MTARC2: variants seen among roughly 807,000 people sequenced by gnomAD.
The protein encoded by MTARC2 is mitochondrial amidoxime reducing component 2.
A neutral mutation model predicts 35.6 loss-of-function variants in MTARC2; 27 were observed. The ratio of observed to expected loss-of-function variants is 0.76; its 90% CI spans 0.56 to 1.04. The LOEUF (loss-of-function observed/expected upper bound fraction) is 1.04, where lower values mean the gene tolerates loss of function less well. Ranked by LOEUF, MTARC2 falls within the 50% of genes least tolerant of loss-of-function variation. The pLI is 0.00. For missense variants in MTARC2, 412 were observed against 432.5 expected (o/e 0.95, Z 0.42); for synonymous variants, 158 against 167.1 (o/e 0.95, Z 0.42).
intron 4 of MTARC2, chr1:220,770,591 C>T: frequency 1.0e-6 from 1 of 982,694 alleles, no homozygotes; most frequent in South Asian, 4.7e-5. Context: ...CCATGACCCC[C>T]CATACCTTTC....
intron 6 of MTARC2, among the ~76,000 whole-genome samples, chr1:220,781,043 TGA>T (rs146981282): frequency 0.02 from 3,001 of 151,748 alleles, 169 homozygotes; most frequent in African/African-American, 0.069. Flanking sequence ...GAAGTTTGGC[TGA>T]CTTTAGTTCC....
In MTARC2 at chr1:220,776,825, T is replaced by C. The variant is rs150720999; in HGVS notation, c.751-3193T>C. Among the ~76,000 whole-genome samples, 10 of 152,318 alleles carry C rather than the reference T, an allele frequency of 6.6e-5. No individual in the cohort carries two copies. In the East Asian group the frequency reaches 1.9e-3, roughly 29 times the overall value. On this transcript the variant is annotated intron_variant, in intron 4 of 7. Transcript: ENST00000366913. ...CACAAAAAATTGAACGGAAGATACT[T>C]GGAGAGCCAGGGTCCATTCAGCACA...
chr1:220,776,822 A>G (rs1470760047), intron 4 of MTARC2, among the ~76,000 whole-genome samples: 1 of 152,208 alleles, frequency 6.6e-6, no homozygotes, highest in African/African-American at 2.4e-5. Flanking sequence ...AACGGAAGAT[A>G]CTTGGAGAGC....
At chr1:220,769,740 T>TTC (rs112145810) in intron 4 of MTARC2, among the ~76,000 whole-genome samples, 1 of 149,814 alleles carries the variant, frequency 6.7e-6, no homozygotes, top group Non-Finnish European at 1.5e-5. Context: ...GGGCACTTTC[T>TTC]TCTCTCTCTC....
At position 220,761,747 on chromosome 1, in the gene MTARC2, T is replaced by C. The variant is rs1346511569; in HGVS notation, c.536T>C (p.Leu179Ser). The C allele has an allele frequency of 1.2e-6, 2 of 1,613,992 alleles. No individual in the cohort carries two copies. Among genetic ancestry groups the C allele is most frequent in the Non-Finnish European group, 1.7e-6 (2 of 1,179,972 alleles). The part of the protein sequence containing the change: ...TNFLKTEAYR[L>S]VQFETNMKGR... ...TTCTTGAAAACTGAAGCGTATAGAT[T>C]GGTTCAATTTGAGACAAACATGAAG... is the stretch of plus-strand genomic sequence containing the variant. The change falls in exon 3 of 8, where the codon TTG (leucine) becomes TCG (serine). Residue 179 changes from leucine (L) to serine (S), a missense_variant. By Grantham distance (145) the Leu-to-Ser change is moderately radical. Transcript: ENST00000366913.
chr1:220,751,787 G>C (rs983464806), intron 1 of MTARC2, among the ~76,000 whole-genome samples: 1 of 152,146 alleles, frequency 6.6e-6, no homozygotes, highest in African/African-American at 2.4e-5. Context: ...TGAATTCAAG[G>C]TGCTGGCTTT....
chr1:220,777,061 T>A (rs1671938410), intron 4 of MTARC2, among the ~76,000 whole-genome samples: 1 of 152,196 alleles, frequency 6.6e-6, no homozygotes, highest in Non-Finnish European at 1.5e-5. Flanking sequence ...CGCAATAAGT[T>A]ACTGGCTAGG....
intron 1 of MTARC2, among the ~76,000 whole-genome samples, chr1:220,753,237 GAAA>G (rs532520758): frequency 6.9e-6 from 1 of 145,134 alleles, no homozygotes; most frequent in Non-Finnish European, 1.5e-5. Context: ...CAGAAAAAAA[GAAA>G]AAAAAAAGAA....
intron 2 of MTARC2, among the ~76,000 whole-genome samples, chr1:220,759,693 G>A (rs1026964565): frequency 6.6e-6 from 1 of 152,190 alleles, no homozygotes; most frequent in Non-Finnish European, 1.5e-5. Context: ...TGAACAGTGG[G>A]ATGGAATCAG....
Position 220,749,768 on chromosome 1 carries a change from G to C in MTARC2, c.272+965G>C, listed in dbSNP as rs561609937. On this transcript the variant is annotated intron_variant, in intron 1 of 7. Coordinates refer to ENST00000366913, the MANE Select transcript of MTARC2 (RefSeq NM_017898.5). Reference sequence around the variant, plus strand: ...TATCTGGCCGAGATGGTTTAGCTGTGGGCCTGTGTCCGAGGGGAGGGAGGT... The same window carrying C: ...TATCTGGCCGAGATGGTTTAGCTGTCGGCCTGTGTCCGAGGGGAGGGAGGT... 2.2e-4 allele frequency among the ~76,000 whole-genome samples: 33 copies of C among 152,202 alleles called. No homozygotes were observed. The South Asian group carries it at 6.6e-3, about 31-fold the overall frequency.
rs1476268603 is a variant in MTARC2 at position 220,780,208 on chromosome 1, G to A, written c.853G>A (p.Asp285Asn). ...TTVDPDTGVIDRKQPLDTLKS... is the reference protein window; with the variant it reads ...TTVDPDTGVINRKQPLDTLKS... ...GGTGGACCCAGACACTGGAGTCATAGACAGGAAACAGCCACTGGACACCCT... is the reference window on the plus strand; with the variant it reads ...GGTGGACCCAGACACTGGAGTCATAAACAGGAAACAGCCACTGGACACCCT... The change falls in exon 6 of 8, where the codon GAC becomes AAC. Residue 285 changes from aspartate to asparagine, a missense_variant. Coordinates refer to ENST00000366913, the MANE Select transcript of MTARC2 (RefSeq NM_017898.5). The A allele has an allele frequency of 6.2e-7, 1 of 1,612,712 alleles. No homozygotes were observed. The highest frequency in any genetic ancestry group is 1.1e-5 in the South Asian group (1 of 90,924).
At chr1:220,750,724 G>C (rs2102539821) in intron 1 of MTARC2, among the ~76,000 whole-genome samples, 1 of 152,272 alleles carries the variant, frequency 6.6e-6, no homozygotes. Flanking sequence ...AATCTTGTGG[G>C]CTAGATAGTA....
At chr1:220,761,882 C>A in intron 3 of MTARC2, 62 bp downstream of exon 3, 3 of 1,490,396 alleles carry the variant, frequency 2.0e-6, no homozygotes, top group Non-Finnish European at 2.7e-6. Context: ...TGGCTTCCTT[C>A]CCAGTTGATA....
intron 4 of MTARC2, among the ~76,000 whole-genome samples, chr1:220,768,311 C>T (rs1671640871): frequency 6.6e-6 from 1 of 152,194 alleles, no homozygotes; most frequent in Non-Finnish European, 1.5e-5. Context: ...TTGCAAAACT[C>T]TCTTATGTGT....
At chr1:220,775,691 C>T (rs79813383) in intron 4 of MTARC2, among the ~76,000 whole-genome samples, 1,793 of 152,298 alleles carry the variant, frequency 0.012, 41 homozygotes, top group African/African-American at 0.041. Context: ...TCTCCACCCT[C>T]AAGTAGGCTC....
In MTARC2 at chr1:220,779,493, G is replaced by T. The variant is rs12026612; in HGVS notation, c.751-525G>T. 5.5e-3 allele frequency among the ~76,000 whole-genome samples: 836 copies of T among 152,276 alleles called. 5 individuals are homozygous for T. The East Asian group carries it at 0.056, about 10-fold the overall frequency. ...TGAGGCAAGTGTTAGTGGTTCCCAC[G>T]TTCAAGGGTGGGAAGGCAAGGCACA... is the stretch of plus-strand genomic sequence containing the variant. On this transcript the variant is annotated intron_variant, in intron 4 of 7. Transcript: ENST00000366913.
In MTARC2 at chr1:220,751,441, C is replaced by G. The variant is rs185902895; in HGVS notation, c.272+2638C>G. Among the ~76,000 whole-genome samples, 6 of 152,220 alleles carry G rather than the reference C, an allele frequency of 3.9e-5. No homozygotes were observed. In the East Asian group the frequency reaches 9.7e-4, roughly 24 times the overall value. The stretch of plus-strand genomic sequence containing the variant: ...GTTGATCAGTTTTATCTCTCTAAAC[C>G]CTTACTGAAGCCAGTCCTTTATTTC... On this transcript the variant is annotated intron_variant, in intron 1 of 7. Coordinates refer to ENST00000366913, the MANE Select transcript of MTARC2 (RefSeq NM_017898.5).
At chr1:220,776,286 G>A (rs9970130) in intron 4 of MTARC2, among the ~76,000 whole-genome samples, 1 of 152,032 alleles carries the variant, frequency 6.6e-6, no homozygotes, top group African/African-American at 2.4e-5. Flanking sequence ...TGATATTGAG[G>A]ATTTTTTCAT....
chr1:220,780,662 G>A (rs1013792343), intron 6 of MTARC2, among the ~76,000 whole-genome samples: 7 of 152,028 alleles, frequency 4.6e-5, no homozygotes, highest in Non-Finnish European at 8.8e-5. Flanking sequence ...TGTTGGCCAG[G>A]CTGGTCTCAA....
Sources: allele counts gnomAD v4.1 joint callset (sites outside exome capture counted in the v4.1 genomes callset), GRCh38; gene constraint gnomAD v4.1.1; transcripts MANE v1.5; gene names NCBI Gene and HGNC (gene_info 2026-07-23, HGNC 2026-07-21).